Variants in CDH8 observed in about 807,000 individuals in gnomAD.
CDH8 encodes cadherin-8.
In CDH8, 17 loss-of-function variants were observed where a neutral mutation model predicts 68.1. The observed-to-expected ratio is 0.25, with a 90% confidence interval of 0.17 to 0.37. CDH8 has a LOEUF of 0.37. CDH8 is among the 10% of genes least tolerant of loss of function. The probability of loss-of-function intolerance (pLI) is 1.00; values close to 1 mark genes in which losing one functional copy is unlikely to be tolerated. For missense variants in CDH8, 763 were observed against 999.3 expected, an observed-to-expected ratio of 0.76 and a Z score of 3.19; for synonymous variants, 372 against 365.1, an observed-to-expected ratio of 1.02 and a Z score of -0.21.
intron 2 of CDH8, among the ~76,000 whole-genome samples, chr16:61,932,233 G>T (rs1330097159): frequency 6.7e-6 from 1 of 148,570 alleles, no homozygotes; most frequent in Admixed American, 6.7e-5. Context: ...GAAAAGAAAA[G>T]AAAAAGCACA....
At chr16:61,857,346 G>A (rs969847695) in intron 3 of CDH8, 108 bp from the exon 4 acceptor site, 22 of 958,972 alleles carry the variant, frequency 2.3e-5, no homozygotes, top group African/African-American at 6.7e-5. Flanking sequence ...GGGAATAAAA[G>A]GAAAAGAAAT....
chr16:61,741,304 T>G (rs1022399668), intron 8 of CDH8, among the ~76,000 whole-genome samples: 1 of 152,190 alleles, frequency 6.6e-6, no homozygotes, highest in African/African-American at 2.4e-5. Flanking sequence ...AGTAGATATA[T>G]GTACCACAAT....
intron 2 of CDH8, among the ~76,000 whole-genome samples, chr16:61,983,885 T>TTTATTTTATG (rs2150584387): frequency 5.0e-5 from 1 of 19,926 alleles, no homozygotes; most frequent in South Asian, 2.4e-3. Flanking sequence ...TCCTCTTTAT[T>TTTATTTTATG]TTATTTTATT....
Position 61,789,434 on chromosome 16 carries a change from A to C in CDH8, c.1326T>G (p.Asn442Lys), listed in dbSNP as rs568198325. The C allele has an allele frequency of 6.2e-7, 1 of 1,613,162 alleles. No individual in the cohort carries two copies. Among genetic ancestry groups the C allele is most frequent in the South Asian group, 1.1e-5 (1 of 91,046 alleles). ...CCAGCGTTATCTTCCCATCGTCTGCATTAATGTTGAACTGCCTCTCCAGGT... is the reference window on the plus strand; with the variant it reads ...CCAGCGTTATCTTCCCATCGTCTGCCTTAATGTTGAACTGCCTCTCCAGGT... ...HTDLERQFNINADDGKITLAT... is the reference protein window; with the variant it reads ...HTDLERQFNIKADDGKITLAT... The change falls in exon 8 of 12, where the codon AAT (asparagine) becomes AAG (lysine). Residue 442 changes from asparagine to lysine, a missense_variant. Physicochemically the swap from Asn to Lys is moderately conservative, Grantham distance 94. Coordinates refer to ENST00000577390, the MANE Select transcript of CDH8 (RefSeq NM_001796.5).
At chr16:61,918,194 G>A (rs926184541) in intron 2 of CDH8, 1 of 152,012 alleles carries the variant, frequency 6.6e-6, no homozygotes, top group Admixed American at 6.6e-5. Context: ...TCAGCCCTAT[G>A]TACTTATATT....
intron 3 of CDH8, among the ~76,000 whole-genome samples, chr16:61,862,442 G>C: frequency 6.6e-6 from 1 of 152,132 alleles, no homozygotes; most frequent in East Asian, 1.9e-4. Flanking sequence ...CTGCAACAGA[G>C]CTAAGACAAG....
At chr16:61,845,847 C>A (rs1225210427) in intron 4 of CDH8, among the ~76,000 whole-genome samples, 3 of 151,992 alleles carry the variant, frequency 2.0e-5, no homozygotes, top group South Asian at 2.1e-4. Context: ...TAATACCAGA[C>A]CCATAGGAGT....
chr16:61,885,524 T>C (rs1276056632), intron 3 of CDH8, among the ~76,000 whole-genome samples: 2 of 152,176 alleles, frequency 1.3e-5, no homozygotes, highest in African/African-American at 2.4e-5. Context: ...GGCACTTAAA[T>C]AGTGTTTATC....
chr16:61,922,348 A>G (rs1964383644), intron 2 of CDH8, among the ~76,000 whole-genome samples: 1 of 152,192 alleles, frequency 6.6e-6, no homozygotes, highest in Admixed American at 6.5e-5. Flanking sequence ...TATATGAGGA[A>G]TTCGCGTTTA....
chr16:61,686,325 T>C (rs1964105885), intron 10 of CDH8, among the ~76,000 whole-genome samples: 1 of 152,074 alleles, frequency 6.6e-6, no homozygotes, highest in Non-Finnish European at 1.5e-5. Context: ...CGTAGTCACC[T>C]ACGCTATACA....
chr16:61,707,400 C>T (rs1377924457), intron 10 of CDH8, among the ~76,000 whole-genome samples: 1 of 152,150 alleles, frequency 6.6e-6, no homozygotes, highest in African/African-American at 2.4e-5. Flanking sequence ...TCCCATAGAT[C>T]GTAATCGGAA....
intron 8 of CDH8, among the ~76,000 whole-genome samples, chr16:61,780,651 A>T (rs1961026423): frequency 6.6e-6 from 1 of 152,232 alleles, no homozygotes; most frequent in African/African-American, 2.4e-5. Context: ...TTCATCTCAG[A>T]CAAATTCTAT....
chr16:61,990,775 G>T (rs1187114405), intron 2 of CDH8, among the ~76,000 whole-genome samples: 1 of 147,178 alleles, frequency 6.8e-6, no homozygotes, highest in Non-Finnish European at 1.5e-5. Context: ...AGTGAGTTAT[G>T]ATCATGCCCC....
intron 8 of CDH8, among the ~76,000 whole-genome samples, chr16:61,764,589 CT>C (rs1960543367): frequency 6.6e-6 from 1 of 152,022 alleles, no homozygotes. Context: ...ACTAGAGATT[CT>C]CTGTCATCCT....
intron 8 of CDH8, among the ~76,000 whole-genome samples, chr16:61,727,427 CT>C (rs1303137009): frequency 1.3e-5 from 2 of 150,992 alleles, no homozygotes; most frequent in Admixed American, 1.3e-4. Context: ...ACACCATTTG[CT>C]GAGTTTAGCT....
At chr16:61,782,172 A>G (rs1961078364) in intron 8 of CDH8, among the ~76,000 whole-genome samples, 1 of 152,068 alleles carries the variant, frequency 6.6e-6, no homozygotes, top group South Asian at 2.1e-4. Flanking sequence ...TTTCCATCTG[A>G]GGTACCGGGT....
intron 3 of CDH8, among the ~76,000 whole-genome samples, chr16:61,883,664 G>C (rs1173895089): frequency 6.7e-6 from 1 of 150,044 alleles, no homozygotes; most frequent in Non-Finnish European, 1.5e-5. Flanking sequence ...TGGCATACTT[G>C]ATAGCAGACC....
intron 8 of CDH8, among the ~76,000 whole-genome samples, chr16:61,765,624 C>T (rs974382453): frequency 6.6e-6 from 1 of 152,014 alleles, no homozygotes; most frequent in African/African-American, 2.4e-5. Context: ...CCCCTCTGGG[C>T]TTTAACTACA....
Position 62,007,141 on chromosome 16 carries a change from C to A in CDH8, c.252+14011G>T, listed in dbSNP as rs545677852. ...CAGGCTGGTCTTGAACTCCTGACCT[C>A]ATGATCCACCCACCTCGGCCTCCCA... On this transcript the variant is annotated intron_variant, in intron 2 of 11. Coordinates refer to ENST00000577390, the MANE Select transcript of CDH8 (RefSeq NM_001796.5). Among the ~76,000 whole-genome samples, 35 of 152,246 alleles carry A rather than the reference C, an allele frequency of 2.3e-4. No individual in the cohort carries two copies. In the South Asian group the frequency reaches 6.8e-3, roughly 30 times the overall value.
Sources: gnomAD v4.1 joint callset for allele counts (sites outside exome capture counted in the v4.1 genomes callset) on GRCh38, gnomAD v4.1.1 for gene constraint, MANE v1.5 for transcripts, NCBI Gene and HGNC (gene_info 2026-07-23, HGNC 2026-07-21) for gene names.